CSMD1: variants seen among roughly 807,000 people sequenced by gnomAD.
CSMD1 encodes the protein CUB and Sushi multiple domains 1, also known as CUB and sushi domain-containing protein 1.
A neutral mutation model predicts 417.5 loss-of-function variants in CSMD1; 213 were observed. The observed-to-expected ratio is 0.51, with a 90% CI of 0.46 to 0.57. The LOEUF (loss-of-function observed/expected upper bound fraction) is 0.57. Ranked by LOEUF, CSMD1 falls within the 20% of genes least tolerant of loss-of-function variation. The pLI, the probability that CSMD1 is intolerant of heterozygous loss-of-function variation, is 0.00. For missense variants in CSMD1, 6,923 were observed against 4,529.7 expected (o/e 1.53, Z -15.17); for synonymous variants, 2,862 against 1,736.8 (o/e 1.65, Z -16.11).
At chr8:4,329,270 T>C (rs749803649) in intron 3 of CSMD1, among the ~76,000 whole-genome samples, 5 of 152,172 alleles carry the variant, frequency 3.3e-5, no homozygotes, top group Non-Finnish European at 7.3e-5. Flanking sequence ...GACCTATTAC[T>C]AAAATGCTTG....
At chr8:3,833,511 A>G (rs1802489883) in intron 5 of CSMD1, among the ~76,000 whole-genome samples, 1 of 152,050 alleles carries the variant, frequency 6.6e-6, no homozygotes, top group African/African-American at 2.4e-5. Flanking sequence ...CCTCATTCAT[A>G]TTCAGAATTT....
intron 3 of CSMD1, among the ~76,000 whole-genome samples, chr8:4,139,530 T>C (rs1193201440): frequency 1.3e-5 from 2 of 149,284 alleles, no homozygotes; most frequent in Non-Finnish European, 2.9e-5. Context: ...CTCAGGGGAG[T>C]GGCACTCATC....
intron 1 of CSMD1, among the ~76,000 whole-genome samples, chr8:4,865,932 T>C (rs375345932): frequency 3.9e-5 from 6 of 151,954 alleles, no homozygotes; most frequent in African/African-American, 1.2e-4. Flanking sequence ...TCTTCCTGTG[T>C]AGATAACTTG....
In CSMD1 at chr8:4,080,834, T is replaced by A. The variant is rs560744177; in HGVS notation, c.416-48735A>T. ...TAGCTAGATAAAAATTCAATAAAGG[T>A]ATTGCTATGGATTTCATGTTTGTTT... is the stretch of plus-strand genomic sequence containing the variant. On this transcript the variant is annotated intron_variant, in intron 3 of 69. Transcript: ENST00000635120. Among the ~76,000 whole-genome samples the A allele has an allele frequency of 2.4e-4, 37 of 152,274 alleles. No homozygotes were observed. In the South Asian group the frequency reaches 7.1e-3, roughly 29 times the overall value.
intron 3 of CSMD1, among the ~76,000 whole-genome samples, chr8:4,377,112 T>C (rs1400723093): frequency 6.6e-6 from 1 of 152,226 alleles, no homozygotes; most frequent in Non-Finnish European, 1.5e-5. Flanking sequence ...TAAATTTTCA[T>C]ATAGAGCCAT....
intron 1 of CSMD1, among the ~76,000 whole-genome samples, chr8:4,686,521 G>A (rs997190245): frequency 2.0e-5 from 3 of 152,210 alleles, no homozygotes; most frequent in Non-Finnish European, 2.9e-5. Context: ...GGAGCACAGC[G>A]AAGAACCTGA....
intron 5 of CSMD1, among the ~76,000 whole-genome samples, chr8:3,816,921 C>G (rs577969933): frequency 6.6e-6 from 1 of 152,084 alleles, no homozygotes; most frequent in African/African-American, 2.4e-5. Context: ...ATGGTCCTCC[C>G]TATTCTACTA....
rs1408708281 is a variant in CSMD1, at chr8:2,935,383, ACT to A, written c.*3200_*3201del. 3 of 152,158 alleles carry A rather than the reference ACT, an allele frequency of 2.0e-5. No individual in the cohort carries two copies. Among genetic ancestry groups the A allele is most frequent in the Non-Finnish European group, 2.9e-5 (2 of 68,034 alleles). The allele number at this position is 152,158 out of a possible 1,614,324, so 9.4% of individuals were successfully genotyped here. On this transcript the variant is annotated 3_prime_UTR_variant, in exon 70 of 70. Transcript: ENST00000635120. ...ATCTAAAATTAAATATTTAATTAGA[ACT>A]CTGATTTGCTTTAAAGATTGGTGGC... is the stretch of plus-strand genomic sequence containing the variant.
intron 10 of CSMD1, among the ~76,000 whole-genome samples, chr8:3,554,150 CACAAAAAGAAGGTAG>C (rs1307452455): frequency 2.0e-5 from 3 of 152,110 alleles, no homozygotes; most frequent in African/African-American, 7.2e-5. Flanking sequence ...GTGAAACATA[CACAAAAAGAAGGTAG>C]ACAAGAAGAA....
chr8:4,035,298 C>G (rs575487068), intron 3 of CSMD1, among the ~76,000 whole-genome samples: 6 of 152,128 alleles, frequency 3.9e-5, no homozygotes, highest in Non-Finnish European at 7.3e-5. Context: ...AGGTTCACTG[C>G]ATATGCTTGA....
intron 8 of CSMD1, among the ~76,000 whole-genome samples, chr8:3,598,881 G>C (rs1193738824): frequency 6.6e-6 from 1 of 152,084 alleles, no homozygotes; most frequent in East Asian, 1.9e-4. Context: ...AGGAGTTTGA[G>C]ACCAGTCTGA....
intron 23 of CSMD1, among the ~76,000 whole-genome samples, chr8:3,340,362 T>C (rs1807565989): frequency 6.6e-6 from 1 of 152,212 alleles, no homozygotes; most frequent in African/African-American, 2.4e-5. Flanking sequence ...AAATATTGTT[T>C]GTACCCATTT....
At chr8:3,985,266 C>G (rs1033067139) in intron 5 of CSMD1, among the ~76,000 whole-genome samples, 2 of 152,134 alleles carry the variant, frequency 1.3e-5, no homozygotes, top group Admixed American at 6.5e-5. Flanking sequence ...TACAAATTTC[C>G]CACACCATGC....
chr8:3,341,088 A>C (rs1350642377), intron 23 of CSMD1, among the ~76,000 whole-genome samples: 3 of 152,140 alleles, frequency 2.0e-5, no homozygotes, highest in Non-Finnish European at 4.4e-5. Flanking sequence ...TGACCTCAAA[A>C]CTTCCTAAAG....
chr8:4,553,782 A>C (rs929817184), intron 2 of CSMD1, among the ~76,000 whole-genome samples: 5 of 152,204 alleles, frequency 3.3e-5, no homozygotes, highest in Non-Finnish European at 7.3e-5. Flanking sequence ...TAATCGTCCT[A>C]TGTCTGCCAT....
intron 5 of CSMD1, among the ~76,000 whole-genome samples, chr8:3,911,591 T>C (rs1427400709): frequency 6.6e-6 from 1 of 151,908 alleles, no homozygotes; most frequent in Non-Finnish European, 1.5e-5. Context: ...AGCTGGTCTT[T>C]ATATTTCCAG....
chr8:4,620,471 T>G (rs951287827), intron 2 of CSMD1, among the ~76,000 whole-genome samples: 1 of 151,654 alleles, frequency 6.6e-6, no homozygotes, highest in Non-Finnish European at 1.5e-5. Context: ...TCTACTTTTA[T>G]AGCTGAACTA....
At chr8:4,339,463 C>T (rs1330840152) in intron 3 of CSMD1, among the ~76,000 whole-genome samples, 5 of 151,992 alleles carry the variant, frequency 3.3e-5, no homozygotes, top group East Asian at 1.9e-4. Flanking sequence ...TACAAAGCTA[C>T]CGCGAAATGA....
At chr8:3,495,726 G>C (rs1223029698) in intron 10 of CSMD1, among the ~76,000 whole-genome samples, 3 of 152,152 alleles carry the variant, frequency 2.0e-5, no homozygotes, top group Non-Finnish European at 2.9e-5. Flanking sequence ...AAGAACCAGA[G>C]ATGCAAATGA....
Sources: allele counts gnomAD v4.1 joint callset (sites outside exome capture counted in the v4.1 genomes callset), GRCh38; gene constraint gnomAD v4.1.1; transcripts MANE v1.5; gene names NCBI Gene and HGNC (gene_info 2026-07-23, HGNC 2026-07-21).